The following SMG5 variants were observed in gnomAD, a reference collection of about 807,000 sequenced individuals.
SMG5 encodes SMG5 nonsense mediated mRNA decay factor, also known as nonsense-mediated mRNA decay factor SMG5.
Under a neutral mutation model 122.9 loss-of-function variants are expected in SMG5, and 53 were observed. The ratio of observed to expected loss-of-function variants is 0.43; its 90% CI spans 0.35 to 0.54. SMG5 has a LOEUF of 0.54. SMG5 is among the 20% of genes least tolerant of loss of function. The pLI is 0.01. For synonymous variants in SMG5, 477 were observed against 490.2 expected (o/e 0.97, Z 0.35); for missense variants, 1,153 against 1,285.6 (o/e 0.90, Z 1.58).
rs546079944 is a variant in SMG5 at position 156,250,879 on chromosome 1, G to A, written c.2946C>T (p.Ser982=). 1.7e-5 allele frequency: 27 copies of A among 1,613,912 alleles called. No individual in the cohort carries two copies. The highest frequency in any genetic ancestry group is 7.7e-5 in the South Asian group (7 of 91,062). The change falls in exon 21 of 22, where the codon AGC becomes AGT. Residue 982 remains serine, a synonymous_variant. Transcript: ENST00000361813. ...CCACCTGCATGGGGCCTGAAAGCAC[G>A]CTGGGGTTGTCCAGTGGAAGGCCTG... The part of the protein sequence containing the change: ...IITGLPLDNP[S]VLSGPMQAAL...
chr1:156,287,447 A>T (rs565161263), upstream of SMG5, among the ~76,000 whole-genome samples: 3 of 152,190 alleles, frequency 2.0e-5, no homozygotes, highest in Admixed American at 1.3e-4. Context: ...AAATTAAAAA[A>T]ATATAGAGAT....
At chr1:156,280,036 G>GT (rs1190982770) in intron 1 of SMG5, among the ~76,000 whole-genome samples, 1 of 152,190 alleles carries the variant, frequency 6.6e-6, no homozygotes, top group Non-Finnish European at 1.5e-5. Flanking sequence ...ACCCATAACA[G>GT]TGACTGGTAT....
chr1:156,288,560 A>C, the SMG5 span, among the ~76,000 whole-genome samples: 1 of 151,926 alleles, frequency 6.6e-6, no homozygotes, highest in African/African-American at 2.4e-5. Flanking sequence ...CTGGTCTCGA[A>C]CTTCTGACCT....
At chr1:156,259,976 G>C (rs561538369) in intron 15 of SMG5, among the ~76,000 whole-genome samples, 2 of 152,290 alleles carry the variant, frequency 1.3e-5, no homozygotes, top group Non-Finnish European at 2.9e-5. Context: ...TGGGTGGCCT[G>C]TCTGCTTGAC....
chr1:156,274,820 A>T, intron 4 of SMG5, 134 bp from the exon 5 acceptor site: 1 of 680,622 alleles, frequency 1.5e-6, no homozygotes, highest in Non-Finnish European at 2.6e-6. Context: ...GGGCAGAGAC[A>T]CACTCATCCA....
At chr1:156,251,241 C>A in intron 20 of SMG5, 162 bp downstream of exon 20, 1 of 943,906 alleles carries the variant, frequency 1.1e-6, no homozygotes, top group South Asian at 1.5e-5. Flanking sequence ...TCAGGTGCTG[C>A]GGCAACTTCG....
intron 1 of SMG5, among the ~76,000 whole-genome samples, chr1:156,280,233 C>T (rs1662870697): frequency 6.6e-6 from 1 of 152,180 alleles, no homozygotes; most frequent in Non-Finnish European, 1.5e-5. Context: ...GGACATCAGG[C>T]AGGAGCTATA....
At chr1:156,276,743 T>C (rs766457841) in intron 4 of SMG5, among the ~76,000 whole-genome samples, 4 of 152,192 alleles carry the variant, frequency 2.6e-5, no homozygotes, top group African/African-American at 4.8e-5. Flanking sequence ...TCATCAAACA[T>C]TGGGAAATAA....
chr1:156,260,316 G>T, intron 15 of SMG5, 135 bp downstream of exon 15: 1 of 1,079,930 alleles, frequency 9.3e-7, no homozygotes. Context: ...AGGAAGCACA[G>T]CCTGTAGCCC....
chr1:156,269,792 G>A (rs535951634), intron 7 of SMG5, among the ~76,000 whole-genome samples: 48 of 152,248 alleles, frequency 3.2e-4, no homozygotes, highest in African/African-American at 1.1e-3. Flanking sequence ...GAAGAATGGC[G>A]TGAATCCAGG....
At chr1:156,264,712 C>G (rs955573316) in intron 12 of SMG5, among the ~76,000 whole-genome samples, 2 of 152,230 alleles carry the variant, frequency 1.3e-5, no homozygotes, top group African/African-American at 4.8e-5. Flanking sequence ...ACTTGCCAGA[C>G]AGACAAAACA....
At chr1:156,288,257 AG>A in the SMG5 span, among the ~76,000 whole-genome samples, 5 of 151,444 alleles carry the variant, frequency 3.3e-5, no homozygotes, top group Non-Finnish European at 7.4e-5. Context: ...TTAATCTAGA[AG>A]GCACCTTTGA....
intron 4 of SMG5, among the ~76,000 whole-genome samples, chr1:156,276,562 G>C (rs1662694908): frequency 6.6e-6 from 1 of 152,220 alleles, no homozygotes; most frequent in African/African-American, 2.4e-5. Context: ...AGAGAGCAGA[G>C]AGAGCTGGGT....
Position 156,282,662 on chromosome 1 carries a change from TG to T in SMG5, c.18del (p.Thr7GlnfsTer49). 1 of 1,606,156 alleles carries T rather than the reference TG, an allele frequency of 6.2e-7. No homozygotes were observed. On this transcript the variant is annotated frameshift_variant, in exon 1 of 22. Coordinates refer to ENST00000361813, the MANE Select transcript of SMG5 (RefSeq NM_015327.3). LOFTEE classifies it high-confidence loss of function. Reference protein sequence around the residue: MSQGPPTGESSEPEAK... With the variant: MSQGPXTGESSEPEAK... ...GCTTCGGGCTCGCTGCTCTCCCCTG[TG>T]GGGGGGCCTTGGCTCATGGTGCCCG...
At chr1:156,286,075 T>TTGACCTGGGCCCCTCAGGGTC, upstream of SMG5, 2 of 1,522,426 alleles carry the variant, frequency 1.3e-6, no homozygotes, top group Non-Finnish European at 1.8e-6. Flanking sequence ...TTCCCTTCAC[T>TTGACCTGGGCCCCTCAGGGTC]TGACCTGGGC....
Position 156,252,523 on chromosome 1 carries a change from A to C in SMG5, c.2663-19T>G, listed in dbSNP as rs1302506614. The C allele has an allele frequency of 1.2e-6, 2 of 1,613,090 alleles. No individual in the cohort carries two copies. Among genetic ancestry groups the C allele is most frequent in the Non-Finnish European group, 1.7e-6 (2 of 1,179,446 alleles). ...TCGATCACTGGTGGGCAAGGTAGGG[A>C]AAGACAAAACAGATAAGCTCAGACT... On this transcript the variant is annotated intron_variant, in intron 18 of 21. Transcript: ENST00000361813.
At chr1:156,285,109 G>A (rs956441282), upstream of SMG5, 10 of 1,330,060 alleles carry the variant, frequency 7.5e-6, no homozygotes, top group Admixed American at 2.0e-4. Context: ...GCCCTGGAGA[G>A]TATGAGTTCT....
intron 16 of SMG5, 101 bp downstream of exon 16, chr1:156,258,904 T>G: frequency 1.4e-6 from 2 of 1,433,816 alleles, no homozygotes; most frequent in African/African-American, 2.9e-5. Context: ...TCTTACTATG[T>G]CCTTCAGGTG....
chr1:156,281,273 G>C (rs1662922143), intron 1 of SMG5, among the ~76,000 whole-genome samples: 1 of 152,246 alleles, frequency 6.6e-6, no homozygotes, highest in Non-Finnish European at 1.5e-5. Context: ...TGTGAATGTA[G>C]TGGTTTAAGA....
Sources: gnomAD v4.1 joint callset for allele counts (sites outside exome capture counted in the v4.1 genomes callset) on GRCh38, gnomAD v4.1.1 for gene constraint, MANE v1.5 for transcripts, NCBI Gene and HGNC (gene_info 2026-07-23, HGNC 2026-07-21) for gene names.